The following FOCAD variants were observed in gnomAD, a reference collection of about 807,000 sequenced individuals.
The protein encoded by FOCAD is focadhesin.
A neutral mutation model predicts 225.6 loss-of-function variants in FOCAD; 198 were observed. The observed-to-expected ratio is 0.88, with a 90% CI of 0.78 to 0.99. FOCAD has a LOEUF of 0.99. Among genes scored for constraint, FOCAD ranks in the 50% least tolerant of loss-of-function variants. The pLI, the probability that FOCAD is intolerant of heterozygous loss-of-function variation, is 0.00. For missense variants in FOCAD, 2,713 were observed against 2,123.6 expected (o/e 1.28, Z -5.46); for synonymous variants, 897 against 755.0 (o/e 1.19, Z -3.08).
rs764461652 is a variant in FOCAD at position 20,820,986 on chromosome 9, G to A, written c.1708G>A (p.Val570Ile). ...GCAGCGTTTCATGGCTGTGTCTGAT[G>A]TACCTTCTCTTTCGGTGGGCAAGGA... is the stretch of plus-strand genomic sequence containing the variant. Reference protein sequence around the residue: ...ELQRFMAVSDVPSLSVGKEVQ... With the variant: ...ELQRFMAVSDIPSLSVGKEVQ... The change falls in exon 14 of 44, where the codon GTA becomes ATA. Residue 570 changes from valine to isoleucine, a missense_variant. Physicochemically the swap from Val to Ile is conservative, Grantham distance 29. Transcript: ENST00000338382. 6.2e-7 allele frequency: 1 copy of A among 1,612,812 alleles called. No individual in the cohort carries two copies. The highest frequency in any genetic ancestry group is 1.1e-5 in the South Asian group (1 of 91,034).
intron 2 of FOCAD, among the ~76,000 whole-genome samples, chr9:20,659,216 C>T (rs535430392): frequency 6.1e-5 from 9 of 148,688 alleles, no homozygotes; most frequent in African/African-American, 1.7e-4. Context: ...TGAGACTCTG[C>T]TCCCCTCCCC....
intron 23 of FOCAD, among the ~76,000 whole-genome samples, chr9:20,916,687 C>T (rs1469767345): frequency 2.0e-5 from 3 of 152,174 alleles, no homozygotes; most frequent in Admixed American, 1.3e-4. Flanking sequence ...TCCTTGCCTC[C>T]ACTCAGTGAC....
intron 14 of FOCAD, 24 bp downstream of exon 14, chr9:20,821,095 A>G: frequency 6.2e-7 from 1 of 1,600,884 alleles, no homozygotes; most frequent in East Asian, 2.2e-5. Flanking sequence ...AACTCTTAGG[A>G]ATGTATATCA....
chr9:20,705,939 T>G (rs545638810), intron 1 of FOCAD, among the ~76,000 whole-genome samples: 3,327 of 144,560 alleles, frequency 0.023, 110 homozygotes, highest in African/African-American at 0.08. Flanking sequence ...TTTTTTTTTT[T>G]TTTTTTTTTT....
At chr9:20,769,156 C>G (rs1157223050) in intron 7 of FOCAD, among the ~76,000 whole-genome samples, 10 of 152,012 alleles carry the variant, frequency 6.6e-5, no homozygotes, top group Admixed American at 6.6e-4. Flanking sequence ...ATGTTTTCTG[C>G]TATTTCTTCT....
intron 28 of FOCAD, among the ~76,000 whole-genome samples, chr9:20,937,234 A>C (rs1182687333): frequency 2.6e-5 from 4 of 150,962 alleles, no homozygotes; most frequent in African/African-American, 9.7e-5. Context: ...ACTACTTTAA[A>C]GTTCATATGG....
chr9:20,850,884 T>C (rs1368947428), intron 15 of FOCAD, among the ~76,000 whole-genome samples: 1 of 149,420 alleles, frequency 6.7e-6, no homozygotes, highest in African/African-American at 2.5e-5. Context: ...CACAAGGTTT[T>C]GTAATGCATG....
chr9:20,733,401 A>C (rs1826873054), intron 4 of FOCAD, among the ~76,000 whole-genome samples: 1 of 152,072 alleles, frequency 6.6e-6, no homozygotes, highest in African/African-American at 2.4e-5. Context: ...ACATGTGCAC[A>C]ATGTGCAGGT....
intron 2 of FOCAD, chr9:20,716,154 CT>C: frequency 2.1e-6 from 1 of 475,100 alleles, no homozygotes; most frequent in Non-Finnish European, 4.6e-6. Context: ...TAGAACACTC[CT>C]TATGCAAGAT....
At chr9:20,769,139 T>C (rs1032746348) in intron 7 of FOCAD, among the ~76,000 whole-genome samples, 13 of 152,252 alleles carry the variant, frequency 8.5e-5, no homozygotes, top group Non-Finnish European at 1.8e-4. Flanking sequence ...GTTTATTTTT[T>C]ATAACAATGT....
intron 11 of FOCAD, among the ~76,000 whole-genome samples, chr9:20,790,878 C>T (rs1407211476): frequency 6.6e-6 from 1 of 152,206 alleles, no homozygotes; most frequent in African/African-American, 2.4e-5. Context: ...CTGCTGATAT[C>T]TCACAAAGAG....
chr9:20,948,399 G>A lies in FOCAD; in HGVS notation c.3798+6G>A, dbSNP rs759505709. On this transcript the variant is annotated splice_donor_region_variant and intron_variant, in intron 31 of 43. Transcript: ENST00000338382. Reference sequence around the variant, plus strand: ...TCAGAATTGTTCTAACAGAGGTAGAGGTCACCTGTTGTATGCTATTTCATA... The same window carrying A: ...TCAGAATTGTTCTAACAGAGGTAGAAGTCACCTGTTGTATGCTATTTCATA... 6.8e-6 allele frequency: 11 copies of A among 1,608,834 alleles called. No individual in the cohort carries two copies. In the South Asian group the frequency reaches 7.8e-5, roughly 11 times the overall value.
rs71496859 is a variant in FOCAD, at chr9:20,839,259, C to CTTTT, written c.1920+16158_1920+16161dup. On this transcript the variant is annotated intron_variant, in intron 15 of 43. Transcript: ENST00000338382. ...TTGGCTTTATGGAATTTCTTTCTTT[C>CTTTT]TTTTTTTTTTTTTTTTTGAGACTAG... Among the ~76,000 whole-genome samples, 152 of 132,726 alleles carry CTTTT rather than the reference C, an allele frequency of 1.1e-3. 1 individual carries two copies. The highest frequency in any genetic ancestry group is 9.7e-3 in the Admixed American group (126 of 12,986). The allele number at this position is 132,726 out of a possible 152,430, so 87.1% of individuals were successfully genotyped here.
intron 28 of FOCAD, among the ~76,000 whole-genome samples, chr9:20,937,218 G>GA (rs1564176110): frequency 6.6e-6 from 1 of 150,450 alleles, no homozygotes; most frequent in African/African-American, 2.4e-5. Context: ...CACAGAATTG[G>GA]AAAAAACTAC....
At chr9:20,797,512 C>G (rs1411217999) in intron 11 of FOCAD, among the ~76,000 whole-genome samples, 1 of 152,064 alleles carries the variant, frequency 6.6e-6, no homozygotes, top group African/African-American at 2.4e-5. Flanking sequence ...GTTTGTAGTT[C>G]TCCTTGAAGA....
At chr9:20,674,908 G>T (rs1265597318) in intron 2 of FOCAD, among the ~76,000 whole-genome samples, 8 of 152,090 alleles carry the variant, frequency 5.3e-5, no homozygotes, top group Non-Finnish European at 1.0e-4. Context: ...TAAGTTCCTG[G>T]GATAAGAGGT....
intron 4 of FOCAD, among the ~76,000 whole-genome samples, chr9:20,735,133 A>G (rs1025325776): frequency 5.3e-5 from 8 of 151,996 alleles, no homozygotes; most frequent in Admixed American, 2.0e-4. Context: ...GTGTATCTCT[A>G]TTCTCTGCTC....
intron 21 of FOCAD, among the ~76,000 whole-genome samples, chr9:20,901,633 T>C (rs1832573676): frequency 6.6e-6 from 1 of 151,902 alleles, no homozygotes; most frequent in Admixed American, 6.6e-5. Flanking sequence ...TAGTCCCTTG[T>C]AGTAAAACAT....
At chr9:20,768,047 T>G (rs1830209816) in intron 7 of FOCAD, among the ~76,000 whole-genome samples, 2 of 150,936 alleles carry the variant, frequency 1.3e-5, no homozygotes, top group African/African-American at 4.9e-5. Flanking sequence ...TCCATATGGC[T>G]AGCCAGTTTT....
Sources: allele counts gnomAD v4.1 joint callset (sites outside exome capture counted in the v4.1 genomes callset), GRCh38; gene constraint gnomAD v4.1.1; transcripts MANE v1.5; gene names NCBI Gene and HGNC (gene_info 2026-07-23, HGNC 2026-07-21).